Variants in FRMPD4 observed in about 807,000 individuals in gnomAD.
FRMPD4 encodes the protein FERM and PDZ domain containing 4.
FRMPD4 carries 22 observed loss-of-function variants against 94.1 expected under a neutral mutation model. The observed-to-expected ratio is 0.23, with a 90% CI of 0.17 to 0.33. FRMPD4 has a LOEUF of 0.33. Ranked by LOEUF, FRMPD4 falls within the 10% of genes least tolerant of loss-of-function variation. The probability of loss-of-function intolerance (pLI) is 1.00; values close to 1 mark genes in which losing one functional copy is unlikely to be tolerated. For synonymous variants in FRMPD4, 631 were observed against 548.6 expected, an observed-to-expected ratio of 1.15 and a Z score of -2.10; for missense variants, 1,111 against 1,339.9, an observed-to-expected ratio of 0.83 and a Z score of 2.67.
chrX:12,626,596 C>G (rs5979692), intron 4 of FRMPD4, among the ~76,000 whole-genome samples: 2,192 of 98,346 alleles, frequency 0.022, 70 homozygotes, highest in African/African-American at 0.077. Context: ...CTGTAACTGG[C>G]CTTTAGAACC....
In FRMPD4 at chrX:12,498,728, C is replaced by T. The variant is rs1369894006; in HGVS notation, c.90C>T (p.Gly30=). 2.5e-6 allele frequency: 3 copies of T among 1,200,091 alleles called. No homozygotes were observed. The African/African-American group carries it at 5.4e-5, about 22-fold the overall frequency. ...SGWPPPSGTW[G]LSQVPPYGWE... is the part of the protein sequence containing the mutation. Reference sequence around the variant, plus strand: ...GGCCGCCTCCCTCGGGAACCTGGGGCTTGAGCCAGGTGCCGCCCTATGGAT... The same window carrying T: ...GGCCGCCTCCCTCGGGAACCTGGGGTTTGAGCCAGGTGCCGCCCTATGGAT... The change falls in exon 2 of 17, where the codon GGC becomes GGT. Residue 30 remains glycine (G), a synonymous_variant. Transcript: ENST00000675598.
chrX:11,906,757 A>AT (rs1410168357), intron 3 of FRMPD4, among the ~76,000 whole-genome samples: 1 of 110,909 alleles, frequency 9.0e-6, no homozygotes, highest in East Asian at 2.8e-4. Context: ...GTTAATGTGT[A>AT]TTTTTAAACT....
chrX:12,422,265 T>A (rs1252554107), intron 1 of FRMPD4, among the ~76,000 whole-genome samples: 1 of 112,130 alleles, frequency 8.9e-6, no homozygotes, highest in Non-Finnish European at 1.9e-5. Context: ...CAACAAATGC[T>A]TATTAGCCAT....
intron 1 of FRMPD4, among the ~76,000 whole-genome samples, chrX:12,203,000 A>AC (rs1467239913): frequency 1.8e-5 from 2 of 112,041 alleles, no homozygotes; most frequent in African/African-American, 6.5e-5. Flanking sequence ...TCTGGCTTCC[A>AC]TACTGTGAGA....
intron 9 of FRMPD4, among the ~76,000 whole-genome samples, chrX:12,701,234 A>G (rs1299511610): frequency 1.8e-5 from 2 of 109,258 alleles, no homozygotes; most frequent in African/African-American, 3.3e-5. Flanking sequence ...CACCATGCCC[A>G]GCTAATTTTT....
At chrX:12,193,775 G>GAAAGAAAGAAAGAAAGAAAGAAAGA (rs1207033585) in intron 1 of FRMPD4, among the ~76,000 whole-genome samples, 2 of 15,211 alleles carry the variant, frequency 1.3e-4, no homozygotes, top group Admixed American at 1.0e-3. Flanking sequence ...AGAAAGAAAG[G>GAAAGAAAGAAAGAAAGAAAGAAAGA]AAGGAAGGAA....
intron 5 of FRMPD4, among the ~76,000 whole-genome samples, chrX:12,680,650 G>C (rs935796825): frequency 8.9e-6 from 1 of 112,177 alleles, no homozygotes; most frequent in African/African-American, 3.2e-5. Flanking sequence ...CCCCGAGTCT[G>C]TTGACTTCAA....
intron 3 of FRMPD4, among the ~76,000 whole-genome samples, chrX:12,009,241 G>A (rs142274533): frequency 8.9e-6 from 1 of 112,353 alleles, no homozygotes; most frequent in African/African-American, 3.2e-5. Context: ...TGCATAATAT[G>A]TCAAAATGTC....
At chrX:12,620,459 A>G (rs889206380) in intron 4 of FRMPD4, among the ~76,000 whole-genome samples, 37 of 112,032 alleles carry the variant, frequency 3.3e-4, no homozygotes, top group Admixed American at 2.6e-3. Context: ...AACCTACCCA[A>G]TGGTCCAGCA....
At chrX:12,645,383 C>T (rs1481474029) in intron 4 of FRMPD4, among the ~76,000 whole-genome samples, 1 of 76,608 alleles carries the variant, frequency 1.3e-5, no homozygotes, top group African/African-American at 5.2e-5. Context: ...GAGATGGAGT[C>T]TCACTCTCGT....
intron 3 of FRMPD4, among the ~76,000 whole-genome samples, chrX:11,963,597 C>T (rs964002873): frequency 8.0e-5 from 9 of 112,290 alleles, no homozygotes; most frequent in African/African-American, 2.9e-4. Flanking sequence ...CTATTTCCTA[C>T]CCAGCAAGTG....
intron 1 of FRMPD4, among the ~76,000 whole-genome samples, chrX:12,444,293 A>G (rs891547093): frequency 8.9e-6 from 1 of 112,087 alleles, no homozygotes; most frequent in African/African-American, 3.2e-5. Context: ...GACCAAAAAC[A>G]TAATTATTTC....
rs2054694520 is a variant in FRMPD4 at position 12,291,780 on chromosome X, A to G, written c.41+152768A>G. Among the ~76,000 whole-genome samples, 3 of 110,845 alleles carry G rather than the reference A, an allele frequency of 2.7e-5. No individual in the cohort carries two copies. In the Admixed American group the frequency reaches 2.9e-4, roughly 11 times the overall value. The stretch of plus-strand genomic sequence containing the variant: ...CCAAATCTGGTCTCCTTTCCTTTTG[A>G]TGGCACTTGTGGTCTTAGTCTTACC... On this transcript the variant is annotated intron_variant, in intron 1 of 16. Coordinates refer to ENST00000675598, the MANE Select transcript of FRMPD4 (RefSeq NM_001368397.1).
intron 2 of FRMPD4, among the ~76,000 whole-genome samples, chrX:12,581,050 C>G (rs1232042815): frequency 8.9e-6 from 1 of 112,414 alleles, no homozygotes; most frequent in Non-Finnish European, 1.9e-5. Context: ...AAACTCTGCT[C>G]AAATCTCTGG....
At chrX:12,651,098 A>G (rs2148473825) in intron 4 of FRMPD4, among the ~76,000 whole-genome samples, 1 of 112,695 alleles carries the variant, frequency 8.9e-6, no homozygotes, top group Admixed American at 9.4e-5. Flanking sequence ...AAGTATGCCA[A>G]CAAGATGGAC....
intron 1 of FRMPD4, among the ~76,000 whole-genome samples, chrX:12,220,203 A>G (rs1250163581): frequency 1.8e-5 from 2 of 111,518 alleles, no homozygotes; most frequent in East Asian, 5.6e-4. Context: ...AAACAGAAAA[A>G]CAAGAAAACA....
chrX:12,080,179 TTCTTGC>T (rs1280414913), intron 3 of FRMPD4, among the ~76,000 whole-genome samples: 2 of 112,461 alleles, frequency 1.8e-5, no homozygotes, highest in Non-Finnish European at 3.8e-5. Context: ...CAAATTCTTT[TTCTTGC>T]TTTACTTTGA....
intron 3 of FRMPD4, among the ~76,000 whole-genome samples, chrX:12,128,457 C>G (rs1205590318): frequency 8.9e-6 from 1 of 112,035 alleles, no homozygotes; most frequent in East Asian, 2.8e-4. Context: ...GCAGAGGGGC[C>G]TGGGGTCCTA....
chrX:11,841,668 T>C (rs2053537710), intron 1 of FRMPD4, among the ~76,000 whole-genome samples: 1 of 110,663 alleles, frequency 9.0e-6, no homozygotes. Context: ...CATGAGTAGG[T>C]TGCGAAAATT....
Sources: allele counts gnomAD v4.1 joint callset (sites outside exome capture counted in the v4.1 genomes callset), GRCh38; gene constraint gnomAD v4.1.1; transcripts MANE v1.5; gene names NCBI Gene and HGNC (gene_info 2026-07-23, HGNC 2026-07-21).